Variants in CPNE4 observed in about 807,000 individuals in gnomAD.
CPNE4 encodes copine 4, also known as copine-4.
Under a neutral mutation model 67.9 loss-of-function variants are expected in CPNE4, and 25 were observed. The ratio of observed to expected loss-of-function variants is 0.37; its 90% confidence interval spans 0.27 to 0.51. The LOEUF (loss-of-function observed/expected upper bound fraction) is 0.51. CPNE4 is among the 20% of genes least tolerant of loss of function. The pLI, the probability that CPNE4 is intolerant of heterozygous loss-of-function variation, is 0.93. For synonymous variants in CPNE4, 242 were observed against 244.9 expected (o/e 0.99, Z 0.11); for missense variants, 464 against 690.8 (o/e 0.67, Z 3.68).
chr3:131,717,874 TTTTCTTTC>T lies in CPNE4; in HGVS notation c.360+5564_360+5571del, dbSNP rs71136405. ...CCTCGCTCCCTCCTTTCTTTCTTTC[TTTTCTTTC>T]TTTCTTTCTTTCTTTCTTTCTTTCT... On this transcript the variant is annotated intron_variant, in intron 3 of 15. Transcript: ENST00000429747. Among the ~76,000 whole-genome samples, 152 of 96,956 alleles carry T rather than the reference TTTTCTTTC, an allele frequency of 1.6e-3. 1 individual carries two copies. The highest frequency in any genetic ancestry group is 6.3e-3 in the African/African-American group (127 of 20,300). The allele number at this position is 96,956 out of a possible 152,430, so 63.6% of individuals were successfully genotyped here.
intron 2 of CPNE4, among the ~76,000 whole-genome samples, chr3:131,746,013 G>A (rs1417531196): frequency 1.3e-5 from 2 of 151,926 alleles, no homozygotes; most frequent in African/African-American, 4.8e-5. Flanking sequence ...TTTAATCCAC[G>A]AACATGGCAT....
At chr3:131,624,152 C>T (rs1940617529) in intron 7 of CPNE4, among the ~76,000 whole-genome samples, 2 of 152,154 alleles carry the variant, frequency 1.3e-5, no homozygotes, top group Admixed American at 6.6e-5. Flanking sequence ...TCTGCCATGA[C>T]TCCACCTGGG....
chr3:131,558,342 A>G (rs149202736), intron 11 of CPNE4, among the ~76,000 whole-genome samples: 12 of 152,162 alleles, frequency 7.9e-5, no homozygotes, highest in African/African-American at 2.9e-4. Flanking sequence ...AGCAAGTTGA[A>G]CACAAAAGAA....
In CPNE4 at chr3:131,844,519, C is replaced by T. The variant is rs535168155; in HGVS notation, c.180+60745G>A. Among the ~76,000 whole-genome samples the T allele has an allele frequency of 5.8e-4, 89 of 152,186 alleles. 1 individual carries two copies. The South Asian group carries it at 0.014, about 24-fold the overall frequency. On this transcript the variant is annotated intron_variant, in intron 2 of 15. Transcript: ENST00000429747. ...CTGACCTCAGATGATCTGCCTGCCT[C>T]GGCCTCCCAAAATGCTCAGTCACCA... is the stretch of plus-strand genomic sequence containing the variant.
intron 1 of CPNE4, among the ~76,000 whole-genome samples, chr3:131,997,045 C>T (rs996287407): frequency 6.6e-6 from 1 of 152,046 alleles, no homozygotes; most frequent in South Asian, 2.1e-4. Context: ...TGCATTATTA[C>T]TGGAAACACC....
intron 7 of CPNE4, among the ~76,000 whole-genome samples, chr3:131,652,786 T>C (rs1183398205): frequency 1.3e-5 from 2 of 152,222 alleles, no homozygotes; most frequent in African/African-American, 4.8e-5. Flanking sequence ...ATCAAACTTA[T>C]GTAGGCAACT....
At chr3:131,928,616 G>A (rs1408163748) in intron 1 of CPNE4, among the ~76,000 whole-genome samples, 3 of 152,186 alleles carry the variant, frequency 2.0e-5, no homozygotes, top group Admixed American at 6.5e-5. Context: ...CTGTATTCAA[G>A]TGAATGTGCC....
intron 3 of CPNE4, among the ~76,000 whole-genome samples, 168 bp from the exon 4 acceptor site, chr3:131,700,148 G>A (rs2081262510): frequency 7.0e-6 from 1 of 142,790 alleles, no homozygotes; most frequent in African/African-American, 2.6e-5. Flanking sequence ...CCTAATATAG[G>A]TTATTCCCTT....
At chr3:131,930,143 G>A (rs1386181057) in intron 1 of CPNE4, among the ~76,000 whole-genome samples, 1 of 152,166 alleles carries the variant, frequency 6.6e-6, no homozygotes, top group African/African-American at 2.4e-5. Flanking sequence ...AGTGGAAAGT[G>A]CCTTAACTTT....
intron 2 of CPNE4, among the ~76,000 whole-genome samples, chr3:131,821,565 G>A (rs1184124958): frequency 6.6e-6 from 1 of 152,186 alleles, no homozygotes; most frequent in Non-Finnish European, 1.5e-5. Flanking sequence ...TCAGGAACAG[G>A]ACAGAAAGGG....
Position 131,590,992 on chromosome 3 carries a change from G to C in CPNE4, c.682-3410C>G, listed in dbSNP as rs1481286831. On this transcript the variant is annotated intron_variant, in intron 7 of 15. Transcript: ENST00000429747. ...GAACAAGTAAATGATTCAGTAATTTGGAAAATCACTCAGGATGTGCACTGT... is the reference window on the plus strand; with the variant it reads ...GAACAAGTAAATGATTCAGTAATTTCGAAAATCACTCAGGATGTGCACTGT... 2.6e-5 allele frequency among the ~76,000 whole-genome samples: 4 copies of C among 152,228 alleles called. No homozygotes were observed. In the East Asian group the frequency reaches 7.7e-4, roughly 29 times the overall value.
intron 7 of CPNE4, among the ~76,000 whole-genome samples, chr3:131,650,700 G>A (rs189376478): frequency 0.026 from 3,104 of 121,204 alleles, 85 homozygotes; most frequent in African/African-American, 0.11. Flanking sequence ...AGCCGAGATC[G>A]CGCCACTGCA....
At chr3:131,752,461 T>C (rs1328100979) in intron 2 of CPNE4, among the ~76,000 whole-genome samples, 3 of 152,138 alleles carry the variant, frequency 2.0e-5, no homozygotes, top group Non-Finnish European at 2.9e-5. Context: ...TCTTCAGCTC[T>C]TGGTCTGGGA....
At chr3:131,785,671 TTCTCTCTCTC>T (rs10584037) in intron 2 of CPNE4, among the ~76,000 whole-genome samples, 4 of 142,818 alleles carry the variant, frequency 2.8e-5, no homozygotes, top group Non-Finnish European at 3.1e-5. Context: ...CTTTCTCTCT[TTCTCTCTCTC>T]TCTCTCTCTC....
At chr3:131,787,718 C>T (rs2083604867) in intron 2 of CPNE4, among the ~76,000 whole-genome samples, 1 of 152,136 alleles carries the variant, frequency 6.6e-6, no homozygotes, top group African/African-American at 2.4e-5. Context: ...AGATGTCTGC[C>T]TTCTCTCTTA....
At chr3:131,676,524 C>G (rs1049640213) in intron 6 of CPNE4, among the ~76,000 whole-genome samples, 1 of 152,134 alleles carries the variant, frequency 6.6e-6, no homozygotes, top group African/African-American at 2.4e-5. Flanking sequence ...CTACTTCTCT[C>G]CCTCCTACCA....
intron 2 of CPNE4, among the ~76,000 whole-genome samples, chr3:131,780,125 A>G (rs2083396155): frequency 6.6e-6 from 1 of 152,160 alleles, no homozygotes; most frequent in Non-Finnish European, 1.5e-5. Flanking sequence ...CAAAAACACA[A>G]TGAGATATCA....
intron 1 of CPNE4, among the ~76,000 whole-genome samples, chr3:131,996,563 G>A (rs2073299284): frequency 6.6e-6 from 1 of 151,936 alleles, no homozygotes; most frequent in East Asian, 1.9e-4. Context: ...ACCAAGCCTA[G>A]CGGAGCAGCA....
rs146408399 is a variant in CPNE4 at position 131,721,936 on chromosome 3, T to C, written c.360+1510A>G. On this transcript the variant is annotated intron_variant, in intron 3 of 15. Transcript: ENST00000429747. ...TCTGCCATCAACTCTTCAAAAGTCA[T>C]TAGAGAACATATGTTAATGGAGAAT... Among the ~76,000 whole-genome samples the C allele has an allele frequency of 1.4e-4, 21 of 152,344 alleles. No homozygotes were observed. The East Asian group carries it at 4.0e-3, about 29-fold the overall frequency.
Sources: gnomAD v4.1 joint callset for allele counts (sites outside exome capture counted in the v4.1 genomes callset) on GRCh38, gnomAD v4.1.1 for gene constraint, MANE v1.5 for transcripts, NCBI Gene and HGNC (gene_info 2026-07-23, HGNC 2026-07-21) for gene names.